ZNF433: variants seen among roughly 807,000 people sequenced by gnomAD.
ZNF433 encodes zinc finger protein 433.
ZNF433 carries 12 observed loss-of-function variants against 10.6 expected under a neutral mutation model. That is an observed-to-expected ratio of 1.13 (90% CI 0.72 to 1.83). The LOEUF (loss-of-function observed/expected upper bound fraction) is 1.83, where lower values mean the gene tolerates loss of function less well. Ranked by LOEUF, ZNF433 falls within the 40% of genes most tolerant of loss-of-function variation. The pLI is 0.00. For missense variants in ZNF433, 737 were observed against 798.0 expected, an observed-to-expected ratio of 0.92 and a Z score of 0.92; for synonymous variants, 272 against 271.3, an observed-to-expected ratio of 1.00 and a Z score of -0.02.
intron 1 of ZNF433, chr19:12,027,254 T>C (rs1266681444): frequency 2.9e-6 from 1 of 347,222 alleles, no homozygotes; most frequent in Admixed American, 4.3e-5. Flanking sequence ...CTTTGTATAG[T>C]CTGCAGATGT....
intron 3 of ZNF433, among the ~76,000 whole-genome samples, chr19:12,017,450 T>G (rs1276403520): frequency 6.6e-6 from 1 of 151,856 alleles, no homozygotes; most frequent in Non-Finnish European, 1.5e-5. Flanking sequence ...TGACCCACCC[T>G]CCTCGGCCTT....
intron 1 of ZNF433, chr19:12,027,329 A>G (rs1974788716): frequency 3.2e-6 from 1 of 316,508 alleles, no homozygotes; most frequent in African/African-American, 2.3e-5. Context: ...ATTGTCTTGC[A>G]AAAACAAAAA....
chr19:12,017,744 G>A (rs1599352830), intron 3 of ZNF433, 132 bp downstream of exon 3: 2 of 671,836 alleles, frequency 3.0e-6, no homozygotes, highest in African/African-American at 3.7e-5. Context: ...TATGTGTTTA[G>A]AGAAAATTTT....
intron 1 of ZNF433, among the ~76,000 whole-genome samples, chr19:12,030,418 C>T (rs1033832492): frequency 6.6e-6 from 1 of 152,002 alleles, no homozygotes; most frequent in Admixed American, 6.6e-5. Flanking sequence ...GACAGGCTTT[C>T]ACCATGTTGG....
chr19:12,020,493 A>G (rs1385160575), intron 1 of ZNF433, among the ~76,000 whole-genome samples: 1 of 152,232 alleles, frequency 6.6e-6, no homozygotes, highest in Admixed American at 6.5e-5. Context: ...GTAAAAAATA[A>G]TAATTTAAAT....
At chr19:12,027,214 AATG>A (rs761781770) in intron 1 of ZNF433, 1 of 397,306 alleles carries the variant, frequency 2.5e-6, no homozygotes, top group Middle Eastern at 8.7e-4. Flanking sequence ...CTGTGATTTC[AATG>A]ATGATTGTGC....
At position 12,014,793 on chromosome 19, in the gene ZNF433, T is replaced by G; in HGVS notation, c.*52A>C. On this transcript the variant is annotated 3_prime_UTR_variant, in exon 4 of 4. Coordinates refer to ENST00000550507, the MANE Select transcript of ZNF433 (RefSeq NM_001308348.2). ...CTCACTATGTTGCCCAGGCTGGTCT[T>G]GAACTCCTGGGCTTAAGCAGTCCCC... 1 of 1,392,464 alleles carries G rather than the reference T, an allele frequency of 7.2e-7. No homozygotes were observed. The highest frequency in any genetic ancestry group is 9.6e-7 in the Non-Finnish European group (1 of 1,042,388). 86.3% of individuals were successfully genotyped at this position (1,392,464 alleles called of 1,614,324 possible). A position where few individuals can be genotyped will look rare whatever the true frequency, so the allele number is the denominator to read the frequency against.
chr19:12,026,182 G>C (rs112331753), intron 1 of ZNF433: 1 of 156,198 alleles, frequency 6.4e-6, no homozygotes, highest in Non-Finnish European at 1.4e-5. Flanking sequence ...GGTTATGCTT[G>C]TGTTTCCCCA....
At chr19:12,020,849 A>G (rs1293375537) in intron 1 of ZNF433, among the ~76,000 whole-genome samples, 4 of 150,578 alleles carry the variant, frequency 2.7e-5, no homozygotes. Flanking sequence ...GGTTGCTGTG[A>G]GCCGACATTG....
rs558958048 is a variant in ZNF433 at position 12,015,235 on chromosome 19, T to C, written c.1623A>G (p.Arg541=). The stretch of plus-strand genomic sequence containing the variant: ...CATGAATTTGAAGCTGTGAGGCAGA[T>C]CTGAAGGCTTTTCCACATTGCTTGC... ...YECKQCGKAF[R]SASQLQIHGR... Residue 541 remains arginine, a synonymous_variant, in exon 4 of 4, where the codon AGA becomes AGG. Transcript: ENST00000550507. 85 of 1,613,740 alleles carry C rather than the reference T, an allele frequency of 5.3e-5. No homozygotes were observed. In the Middle Eastern group the frequency reaches 4.9e-3, roughly 94 times the overall value.
chr19:12,021,544 T>G (rs1240415523), intron 1 of ZNF433, among the ~76,000 whole-genome samples: 1 of 152,164 alleles, frequency 6.6e-6, no homozygotes, highest in Non-Finnish European at 1.5e-5. Context: ...GAGATTAAAC[T>G]CAGGGAGACA....
rs1330416584 is a variant in ZNF433, at chr19:12,016,375, A to G, written c.483T>C (p.His161=). The G allele has an allele frequency of 3.7e-6, 6 of 1,614,084 alleles. No homozygotes were observed. Among genetic ancestry groups the G allele is most frequent in the East Asian group, 2.2e-5 (1 of 44,892 alleles). ...CACAAACATAGAGTTTCCTTCCACT[A>G]TGAGCCCTTTCATGTGTCTGAACAG... ...LSSVQTHERA[H]SGRKLYVCEE... Residue 161 remains histidine, a synonymous_variant, in exon 4 of 4, where the codon CAT becomes CAC. Transcript: ENST00000550507.
chr19:12,030,162 C>T (rs1416419731), intron 1 of ZNF433: 1 of 448,040 alleles, frequency 2.2e-6, no homozygotes. Context: ...CTGTCAGCAC[C>T]TTGAACATGG....
Position 12,020,788 on chromosome 19 carries a change from G to A in ZNF433, c.4-2496C>T, listed in dbSNP as rs143114916. ...AAAAATTAGCTGAGTGTAGTGATGC[G>A]CGCTACTGGGAAGGCTGAGGCAGGA... On this transcript the variant is annotated intron_variant, in intron 1 of 3. Coordinates refer to ENST00000550507, the MANE Select transcript of ZNF433 (RefSeq NM_001308348.2). Among the ~76,000 whole-genome samples, 127 of 151,638 alleles carry A rather than the reference G, an allele frequency of 8.4e-4. 3 individuals are homozygous for A. The East Asian group carries it at 0.014, about 17-fold the overall frequency.
chr19:12,017,788 CTTTT>C (rs1974281631), intron 3 of ZNF433, 84 bp downstream of exon 3: 19 of 875,370 alleles, frequency 2.2e-5, no homozygotes, highest in Middle Eastern at 4.8e-4. Flanking sequence ...GTGCTTATTT[CTTTT>C]GTTTCCTTTT....
chr19:12,029,032 GAT>G (rs1238214687), intron 1 of ZNF433, among the ~76,000 whole-genome samples: 1 of 152,070 alleles, frequency 6.6e-6, no homozygotes, highest in Admixed American at 6.6e-5. Flanking sequence ...CCCATGGAAA[GAT>G]ATCAATGGAA....
At chr19:12,020,836 G>A (rs1053557105) in intron 1 of ZNF433, among the ~76,000 whole-genome samples, 8 of 151,458 alleles carry the variant, frequency 5.3e-5, no homozygotes, top group Admixed American at 3.3e-4. Flanking sequence ...CCAGGGAGGC[G>A]GAGGTTGCTG....
intron 1 of ZNF433, among the ~76,000 whole-genome samples, chr19:12,020,716 A>G (rs1300995320): frequency 6.6e-6 from 1 of 152,020 alleles, no homozygotes; most frequent in African/African-American, 2.4e-5. Context: ...CAGGAGTTCG[A>G]GACCAGACTG....
At chr19:12,031,317 A>AAAAAAAAAAAAAAC (rs1568342004) in intron 1 of ZNF433, among the ~76,000 whole-genome samples, 6 of 116,972 alleles carry the variant, frequency 5.1e-5, no homozygotes, top group African/African-American at 2.3e-4. Context: ...AAAACAAAAC[A>AAAAAAAAAAAAAAC]AAAAAAAAAA....
Sources: allele counts gnomAD v4.1 joint callset (sites outside exome capture counted in the v4.1 genomes callset), GRCh38; gene constraint gnomAD v4.1.1; transcripts MANE v1.5; gene names NCBI Gene and HGNC (gene_info 2026-07-23, HGNC 2026-07-21).